PCDHA3: variants seen among roughly 807,000 people sequenced by gnomAD.
PCDHA3 encodes the protein protocadherin alpha 3.
A neutral mutation model predicts 62.2 loss-of-function variants in PCDHA3; 41 were observed. The observed-to-expected ratio is 0.66, with a 90% CI of 0.51 to 0.86. The LOEUF (loss-of-function observed/expected upper bound fraction) is 0.86. Among genes scored for constraint, PCDHA3 ranks in the 40% least tolerant of loss-of-function variants. The probability of loss-of-function intolerance (pLI) is 0.00; values close to 1 mark genes in which losing one functional copy is unlikely to be tolerated. For synonymous variants in PCDHA3, 640 were observed against 555.4 expected (o/e 1.15, Z -2.14); for missense variants, 1,304 against 1,241.2 (o/e 1.05, Z -0.76).
intron 1 of PCDHA3, among the ~76,000 whole-genome samples, chr5:140,832,941 C>G (rs1455354845): frequency 1.3e-5 from 2 of 152,044 alleles, no homozygotes; most frequent in Non-Finnish European, 2.9e-5. Flanking sequence ...AAGAGAGTAA[C>G]TTAAGTGAGT....
At chr5:140,900,512 G>T (rs1191935182) in intron 1 of PCDHA3, among the ~76,000 whole-genome samples, 4 of 152,300 alleles carry the variant, frequency 2.6e-5, no homozygotes, top group Middle Eastern at 3.4e-3. Context: ...CCCAGCCTCA[G>T]GTGATCTGCC....
chr5:140,808,990 G>C (rs2879087), intron 1 of PCDHA3: 868,636 of 1,613,606 alleles, frequency 0.54, 235,525 homozygotes, highest in African/African-American at 0.7. Flanking sequence ...ATGCTGACTC[G>C]GGCTACAACG....
intron 1 of PCDHA3, among the ~76,000 whole-genome samples, chr5:140,913,256 T>C (rs1162098506): frequency 6.6e-6 from 1 of 152,208 alleles, no homozygotes; most frequent in East Asian, 1.9e-4. Context: ...ACAACTTTGA[T>C]CTAATTACTT....
At position 140,967,719 on chromosome 5, in the gene PCDHA3, G is replaced by A. The variant is rs1422649398; in HGVS notation, c.2395-11230G>A. On this transcript the variant is annotated intron_variant, in intron 1 of 3. Coordinates refer to ENST00000522353, the MANE Select transcript of PCDHA3 (RefSeq NM_018906.3). ...ATAGATGCCAGTACCGGGGAAGTGC[G>A]AGTAATTGGGGGGCTGGATTATGAG... 3 of 1,614,052 alleles carry A rather than the reference G, an allele frequency of 1.9e-6. No individual in the cohort carries two copies. In the African/African-American group the frequency reaches 4.0e-5, roughly 22 times the overall value.
Position 140,862,422 on chromosome 5 carries a change from A to G in PCDHA3, c.2394+58831A>G, listed in dbSNP as rs76178077. On this transcript the variant is annotated intron_variant, in intron 1 of 3. Transcript: ENST00000522353. Reference sequence around the variant, plus strand: ...TGTCTACCTTCAAAAGGCGCTGCCCAGAAACTATTCGTTGGTACTCCACAG... The same window carrying G: ...TGTCTACCTTCAAAAGGCGCTGCCCGGAAACTATTCGTTGGTACTCCACAG... The G allele has an allele frequency of 2.5e-3, 872 of 353,812 alleles. 5 individuals are homozygous for G. Among genetic ancestry groups the G allele is most frequent in the African/African-American group, 0.018 (823 of 46,772 alleles). The allele number at this position is 353,812 out of a possible 1,614,324, so 21.9% of individuals were successfully genotyped here.
chr5:140,988,062 A>G (rs1032842011), intron 3 of PCDHA3, among the ~76,000 whole-genome samples: 1 of 152,114 alleles, frequency 6.6e-6, no homozygotes, highest in Non-Finnish European at 1.5e-5. Context: ...GTCAACATGA[A>G]TTTTTCTATT....
At chr5:140,899,789 G>A (rs1200461877) in intron 1 of PCDHA3, among the ~76,000 whole-genome samples, 17 of 152,024 alleles carry the variant, frequency 1.1e-4, no homozygotes, top group Admixed American at 9.8e-4. Context: ...GGTATAATTC[G>A]GCTGTGAATC....
Position 140,803,021 on chromosome 5 carries a change from G to C in PCDHA3, c.1824G>C (p.Ser608=). 6.2e-7 allele frequency: 1 copy of C among 1,614,014 alleles called. No individual in the cohort carries two copies. The highest frequency in any genetic ancestry group is 8.5e-7 in the Non-Finnish European group (1 of 1,179,930). ...DADSGYNAWL[S]YELQPGTGGA... is the part of the protein sequence containing the mutation. The stretch of plus-strand genomic sequence containing the variant: ...ACTCAGGCTACAACGCGTGGCTTTC[G>C]TATGAGCTGCAGCCTGGGACCGGCG... The change falls in exon 1 of 4, where the codon TCG becomes TCC. Residue 608 remains serine, a synonymous_variant. Transcript: ENST00000522353.
At chr5:140,914,778 T>G (rs942539067) in intron 1 of PCDHA3, among the ~76,000 whole-genome samples, 1 of 152,138 alleles carries the variant, frequency 6.6e-6, no homozygotes, top group African/African-American at 2.4e-5. Flanking sequence ...ATGACTTATC[T>G]TATGACCCAT....
chr5:141,003,608 C>T (rs951443168), intron 3 of PCDHA3, among the ~76,000 whole-genome samples: 3 of 152,136 alleles, frequency 2.0e-5, no homozygotes, highest in East Asian at 1.9e-4. Flanking sequence ...CCACCATTCC[C>T]GGCCCCAGAG....
At chr5:140,964,367 T>C (rs1269937571) in intron 1 of PCDHA3, among the ~76,000 whole-genome samples, 1 of 152,178 alleles carries the variant, frequency 6.6e-6, no homozygotes, top group Non-Finnish European at 1.5e-5. Context: ...ACAAGAGTGC[T>C]GAAAGGAGAG....
intron 1 of PCDHA3, chr5:140,926,589 G>A: frequency 3.4e-6 from 1 of 292,780 alleles, no homozygotes; most frequent in Non-Finnish European, 6.2e-6. Context: ...TCTCGCGCCC[G>A]GGCGGGCGGC....
chr5:140,870,252 G>C lies in PCDHA3; in HGVS notation c.2394+66661G>C, dbSNP rs782545691. On this transcript the variant is annotated intron_variant, in intron 1 of 3. Coordinates refer to ENST00000522353, the MANE Select transcript of PCDHA3 (RefSeq NM_018906.3). ...ACCGTGACTCAGGTGTCAACGGACA[G>C]GTGACCTGCTCGCTGACGCCCCACG... The C allele has an allele frequency of 4.3e-6, 7 of 1,614,080 alleles. No homozygotes were observed. The South Asian group carries it at 7.7e-5, about 18-fold the overall frequency.
intron 1 of PCDHA3, chr5:140,841,953 T>A: frequency 6.2e-7 from 1 of 1,613,834 alleles, no homozygotes; most frequent in Non-Finnish European, 8.5e-7. Flanking sequence ...CACCACTTAT[T>A]CCTGACAGCC....
chr5:140,862,382 G>T, intron 1 of PCDHA3: 1 of 345,046 alleles, frequency 2.9e-6, no homozygotes, highest in South Asian at 2.3e-5. Flanking sequence ...GACTCCTCAC[G>T]TCTCTTCAAG....
chr5:140,807,140 G>C (rs1763848896), intron 1 of PCDHA3: 1 of 1,569,662 alleles, frequency 6.4e-7, no homozygotes. Context: ...GATTTCCCTT[G>C]ACTTTGAGAA....
At position 140,836,007 on chromosome 5, in the gene PCDHA3, G is replaced by T. The variant is rs2150250458; in HGVS notation, c.2394+32416G>T. The T allele has an allele frequency of 5.0e-5, 81 of 1,613,178 alleles. 3 individuals are homozygous for T. In the East Asian group the frequency reaches 1.3e-3, roughly 27 times the overall value. On this transcript the variant is annotated intron_variant, in intron 1 of 3. Transcript: ENST00000522353. ...CCAGGTGAGCGCGCGCGATGCGGGC[G>T]TGCCGCCTCTGGGCAGCAACGTGAC...
At chr5:140,829,192 T>G in intron 1 of PCDHA3, 1 of 1,614,230 alleles carries the variant, frequency 6.2e-7, no homozygotes, top group Non-Finnish European at 8.5e-7. Flanking sequence ...AATTTGGTAC[T>G]GTCATCGCCC....
At chr5:140,924,064 G>T (rs1584331926) in intron 1 of PCDHA3, among the ~76,000 whole-genome samples, 1 of 152,172 alleles carries the variant, frequency 6.6e-6, no homozygotes. Context: ...CTTTACAGTT[G>T]TATTTCATCT....
Sources: allele counts gnomAD v4.1 joint callset (sites outside exome capture counted in the v4.1 genomes callset), GRCh38; gene constraint gnomAD v4.1.1; transcripts MANE v1.5; gene names NCBI Gene and HGNC (gene_info 2026-07-23, HGNC 2026-07-21).